The following CSPP1 variants were observed in gnomAD, a reference collection of about 807,000 sequenced individuals.
CSPP1 encodes centrosome and spindle pole associated protein 1.
Under a neutral mutation model 164.4 loss-of-function variants are expected in CSPP1, and 126 were observed. That is an observed-to-expected ratio of 0.77 (90% CI 0.66 to 0.89). The LOEUF (loss-of-function observed/expected upper bound fraction) is 0.89. Among genes scored for constraint, CSPP1 ranks in the 40% least tolerant of loss-of-function variants. CSPP1 has a pLI of 0.00. For missense variants in CSPP1, 1,395 were observed against 1,449.8 expected (o/e 0.96, Z 0.61); for synonymous variants, 472 against 476.7 (o/e 0.99, Z 0.13).
At chr8:67,121,032 T>C (rs1282866640) in intron 15 of CSPP1, among the ~76,000 whole-genome samples, 1 of 152,058 alleles carries the variant, frequency 6.6e-6, no homozygotes, top group African/African-American at 2.4e-5. Flanking sequence ...TTTTTGTATC[T>C]TTAGTAGAGA....
chr8:67,141,676 C>T (rs546479731), intron 17 of CSPP1, among the ~76,000 whole-genome samples: 49 of 152,292 alleles, frequency 3.2e-4, no homozygotes, highest in Non-Finnish European at 6.0e-4. Flanking sequence ...CATGTGCCAC[C>T]ACGCCCCCCT....
chr8:67,103,653 A>G (rs1217388371), intron 8 of CSPP1, among the ~76,000 whole-genome samples: 1 of 151,380 alleles, frequency 6.6e-6, no homozygotes, highest in African/African-American at 2.4e-5. Context: ...TACAAAAAAA[A>G]AAAAGAAAAA....
At chr8:67,167,332 C>T (rs1276213536) in intron 24 of CSPP1, among the ~76,000 whole-genome samples, 53 of 142,990 alleles carry the variant, frequency 3.7e-4, no homozygotes, top group East Asian at 2.0e-3. Flanking sequence ...CCGGATGGGG[C>T]GGCGGCTGGG....
At chr8:67,086,981 G>C in intron 4 of CSPP1, 1 of 427,800 alleles carries the variant, frequency 2.3e-6, no homozygotes. Context: ...GTGATTTTGA[G>C]ATGTTTGAAT....
At chr8:67,072,848 AAAC>A (rs1457904294) in intron 1 of CSPP1, among the ~76,000 whole-genome samples, 2 of 150,446 alleles carry the variant, frequency 1.3e-5, no homozygotes, top group African/African-American at 4.9e-5. Context: ...CTAGCCTGTG[AAAC>A]AACGAGAGAG....
At chr8:67,189,588 T>TAAAC (rs1554624286) in intron 28 of CSPP1, among the ~76,000 whole-genome samples, 1 of 152,224 alleles carries the variant, frequency 6.6e-6, no homozygotes, top group East Asian at 1.9e-4. Context: ...AATTATATGT[T>TAAAC]AAACAATGAT....
chr8:67,096,352 G>A (rs568488766), intron 7 of CSPP1, among the ~76,000 whole-genome samples: 15 of 151,794 alleles, frequency 9.9e-5, no homozygotes, highest in Non-Finnish European at 1.3e-4. Context: ...GGATCGCGAG[G>A]TAAGGAGGTT....
At chr8:67,143,055 G>A (rs1020770743) in intron 17 of CSPP1, among the ~76,000 whole-genome samples, 1 of 151,806 alleles carries the variant, frequency 6.6e-6, no homozygotes, top group African/African-American at 2.4e-5. Flanking sequence ...TACATACCTT[G>A]TTCGAATTTT....
At chr8:67,159,924 C>CTTTTTCTTTCTTT (rs1420951665) in intron 21 of CSPP1, among the ~76,000 whole-genome samples, 1 of 45,574 alleles carries the variant, frequency 2.2e-5, no homozygotes, top group South Asian at 9.3e-4. Context: ...TTCTTTCTTT[C>CTTTTTCTTTCTTT]CTTTCCTTCC....
chr8:67,192,067 T>G (rs113234901), intron 29 of CSPP1, among the ~76,000 whole-genome samples: 7,171 of 119,908 alleles, frequency 0.06, 252 homozygotes, highest in Non-Finnish European at 0.081. Flanking sequence ...TGCTGATTTG[T>G]TTTTTTTTTT....
At chr8:67,103,006 C>T (rs1814472168) in intron 7 of CSPP1, 31 bp from the exon 8 acceptor site, 11 of 1,320,524 alleles carry the variant, frequency 8.3e-6, no homozygotes, top group Non-Finnish European at 1.2e-5. Flanking sequence ...CTGTATGTGG[C>T]ACATGCTTTA....
chr8:67,111,750 C>T (rs573723091), intron 9 of CSPP1, among the ~76,000 whole-genome samples: 4 of 152,200 alleles, frequency 2.6e-5, no homozygotes, highest in East Asian at 3.9e-4. Context: ...ATGGTAGAGG[C>T]ATGGGCATGA....
At chr8:67,175,478 T>G in intron 26 of CSPP1, 42 bp downstream of exon 26, 1 of 1,609,164 alleles carries the variant, frequency 6.2e-7, no homozygotes, top group Non-Finnish European at 8.5e-7. Flanking sequence ...ATCAGCACGC[T>G]GTTTTTCCGT....
intron 16 of CSPP1, among the ~76,000 whole-genome samples, chr8:67,132,630 G>A (rs1016872868): frequency 6.6e-6 from 1 of 152,144 alleles, no homozygotes; most frequent in Admixed American, 6.5e-5. Context: ...AACCAGATGG[G>A]GACGTTGGGG....
At chr8:67,097,335 T>C (rs886992488) in intron 7 of CSPP1, among the ~76,000 whole-genome samples, 2 of 152,230 alleles carry the variant, frequency 1.3e-5, no homozygotes, top group Non-Finnish European at 2.9e-5. Flanking sequence ...GTAGCTGTTA[T>C]GTCCTCACAC....
chr8:67,102,431 A>G (rs1814316604), intron 7 of CSPP1, among the ~76,000 whole-genome samples: 1 of 152,108 alleles, frequency 6.6e-6, no homozygotes, highest in African/African-American at 2.4e-5. Flanking sequence ...CTCTACTAAA[A>G]TACAAAAAAT....
chr8:67,094,118 T>TG (rs1422443786), intron 6 of CSPP1, among the ~76,000 whole-genome samples: 36 of 6,992 alleles, frequency 5.1e-3, no homozygotes, highest in Non-Finnish European at 7.6e-3. Context: ...AGACCTGGTC[T>TG]GAAAAAAAAA....
chr8:67,086,147 C>A, intron 4 of CSPP1, 37 bp downstream of exon 4: 1 of 931,224 alleles, frequency 1.1e-6, no homozygotes, highest in Non-Finnish European at 1.8e-6. Flanking sequence ...TTTAATGTTT[C>A]AGAATTCAGC....
At chr8:67,143,485 T>C (rs1823908298) in intron 17 of CSPP1, among the ~76,000 whole-genome samples, 1 of 152,168 alleles carries the variant, frequency 6.6e-6, no homozygotes. Flanking sequence ...GGCATTTTCA[T>C]TGGGATTCCA....
Sources: allele counts gnomAD v4.1 joint callset (sites outside exome capture counted in the v4.1 genomes callset), GRCh38; gene constraint gnomAD v4.1.1; transcripts MANE v1.5; gene names NCBI Gene and HGNC (gene_info 2026-07-23, HGNC 2026-07-21).